OPCML: variants seen among roughly 807,000 people sequenced by gnomAD.
OPCML encodes opioid binding protein/cell adhesion molecule like.
Under a neutral mutation model 37.8 loss-of-function variants are expected in OPCML, and 13 were observed. That is an observed-to-expected ratio of 0.34 (90% confidence interval 0.22 to 0.55). OPCML has a LOEUF of 0.55. Among genes scored for constraint, OPCML ranks in the 20% least tolerant of loss-of-function variants. OPCML has a pLI of 0.91. For missense variants in OPCML, 341 were observed against 435.6 expected (o/e 0.78, Z 1.93); for synonymous variants, 176 against 168.8 (o/e 1.04, Z -0.33).
intron 1 of OPCML, among the ~76,000 whole-genome samples, chr11:133,122,206 G>A (rs1248272591): frequency 6.6e-6 from 1 of 152,176 alleles, no homozygotes; most frequent in African/African-American, 2.4e-5. Flanking sequence ...ATGCATGGTG[G>A]TAATCATATA....
intron 2 of OPCML, among the ~76,000 whole-genome samples, chr11:132,701,640 T>C (rs1943821088): frequency 6.6e-6 from 1 of 152,208 alleles, no homozygotes; most frequent in Non-Finnish European, 1.5e-5. Flanking sequence ...TTAATCCATT[T>C]AAATTTAATG....
intron 1 of OPCML, among the ~76,000 whole-genome samples, chr11:133,460,314 A>G: frequency 6.6e-6 from 1 of 151,870 alleles, no homozygotes; most frequent in East Asian, 1.9e-4. Flanking sequence ...TTTGGAAACT[A>G]AGGAAAAAAG....
At chr11:133,100,042 G>A (rs187964117) in intron 1 of OPCML, among the ~76,000 whole-genome samples, 182 of 152,234 alleles carry the variant, frequency 1.2e-3, no homozygotes, top group Non-Finnish European at 2.0e-3. Context: ...AGCTGGAGGC[G>A]ATTATCATAA....
chr11:132,469,443 G>T (rs2096128929), intron 4 of OPCML, among the ~76,000 whole-genome samples: 1 of 150,754 alleles, frequency 6.6e-6, no homozygotes, highest in Non-Finnish European at 1.5e-5. Context: ...GTGTGTGAAT[G>T]TATGTGTGTG....
At chr11:132,512,337 C>A (rs1296756995) in intron 4 of OPCML, among the ~76,000 whole-genome samples, 1 of 152,106 alleles carries the variant, frequency 6.6e-6, no homozygotes, top group East Asian at 1.9e-4. Context: ...ATACGACTTA[C>A]CAATTCTGCT....
intron 3 of OPCML, among the ~76,000 whole-genome samples, chr11:132,643,099 T>A (rs1317888714): frequency 6.6e-6 from 1 of 151,650 alleles, no homozygotes; most frequent in Non-Finnish European, 1.5e-5. Context: ...AAAAGTTCAT[T>A]CCTACCCTGT....
At chr11:133,329,659 C>T (rs1417910908) in intron 1 of OPCML, among the ~76,000 whole-genome samples, 1 of 152,132 alleles carries the variant, frequency 6.6e-6, no homozygotes, top group African/African-American at 2.4e-5. Flanking sequence ...AACTGGATCC[C>T]TTCCTTACAC....
chr11:132,810,819 T>A (rs7114243), intron 2 of OPCML: 1 of 152,152 alleles, frequency 6.6e-6, no homozygotes, highest in Non-Finnish European at 1.5e-5. Flanking sequence ...GAAAAGGGTT[T>A]CCTGTTACCA....
At chr11:133,042,459 G>A (rs1435240373) in intron 1 of OPCML, among the ~76,000 whole-genome samples, 2 of 152,226 alleles carry the variant, frequency 1.3e-5, no homozygotes, top group Non-Finnish European at 2.9e-5. Flanking sequence ...GGCAGGCAGA[G>A]AGGCAGAGCG....
At chr11:132,504,572 A>G (rs2137141560) in intron 4 of OPCML, among the ~76,000 whole-genome samples, 1 of 151,854 alleles carries the variant, frequency 6.6e-6, no homozygotes, top group South Asian at 2.1e-4. Flanking sequence ...GAAGTGGAAG[A>G]TGCACTTCCC....
chr11:132,735,546 G>A (rs553662579), intron 2 of OPCML, among the ~76,000 whole-genome samples: 10 of 152,160 alleles, frequency 6.6e-5, no homozygotes, highest in African/African-American at 2.4e-4. Context: ...GAGTGCAGTG[G>A]TGCAATCTTG....
chr11:133,474,514 C>T (rs917266451), intron 1 of OPCML, among the ~76,000 whole-genome samples: 40 of 152,158 alleles, frequency 2.6e-4, no homozygotes, highest in African/African-American at 6.3e-4. Context: ...AAGAAATAGA[C>T]GAGTTTCCTG....
At chr11:132,483,474 G>A (rs2096188142) in intron 4 of OPCML, among the ~76,000 whole-genome samples, 1 of 152,090 alleles carries the variant, frequency 6.6e-6, no homozygotes, top group Admixed American at 6.6e-5. Flanking sequence ...TCAATATCAT[G>A]AAAATGGCCA....
At chr11:133,320,497 G>T (rs959045776) in intron 1 of OPCML, among the ~76,000 whole-genome samples, 7 of 152,068 alleles carry the variant, frequency 4.6e-5, no homozygotes, top group African/African-American at 1.7e-4. Context: ...AATTAAATGA[G>T]AAAATTAAAT....
intron 1 of OPCML, among the ~76,000 whole-genome samples, chr11:133,340,698 C>A (rs944073720): frequency 3.3e-5 from 5 of 150,752 alleles, no homozygotes; most frequent in African/African-American, 1.2e-4. Flanking sequence ...AATAGCCATT[C>A]TCGGTATAAC....
intron 2 of OPCML, among the ~76,000 whole-genome samples, chr11:132,805,595 G>A (rs1938955427): frequency 6.6e-6 from 1 of 152,132 alleles, no homozygotes. Flanking sequence ...GAGCAATAGA[G>A]GAGGAAAGAC....
intron 2 of OPCML, among the ~76,000 whole-genome samples, chr11:132,789,817 C>T (rs959123450): frequency 6.6e-6 from 1 of 152,160 alleles, no homozygotes; most frequent in Non-Finnish European, 1.5e-5. Context: ...CAATGCCCCT[C>T]ATCTGGCTGA....
At chr11:133,419,434 C>T in intron 1 of OPCML, 1 of 615,290 alleles carries the variant, frequency 1.6e-6, no homozygotes, top group South Asian at 7.2e-5. Flanking sequence ...CTAAATACAA[C>T]CACTAATAAA....
At chr11:132,576,524 T>C (rs929297082) in intron 3 of OPCML, among the ~76,000 whole-genome samples, 1 of 152,200 alleles carries the variant, frequency 6.6e-6, no homozygotes, top group Non-Finnish European at 1.5e-5. Flanking sequence ...ATTGTCACCT[T>C]GTTCATCCAT....
Sources: gnomAD v4.1 joint callset for allele counts (sites outside exome capture counted in the v4.1 genomes callset) on GRCh38, gnomAD v4.1.1 for gene constraint, MANE v1.5 for transcripts, NCBI Gene and HGNC (gene_info 2026-07-23, HGNC 2026-07-21) for gene names.